The following ME2 variants were observed in gnomAD, a reference collection of about 807,000 sequenced individuals.
ME2 encodes the protein NAD-dependent malic enzyme, mitochondrial.
ME2 carries 60 observed loss-of-function variants against 73.7 expected under a neutral mutation model. The observed-to-expected ratio is 0.81, with a 90% CI of 0.66 to 1.01. The LOEUF (loss-of-function observed/expected upper bound fraction) is 1.01. Among genes scored for constraint, ME2 ranks in the 50% least tolerant of loss-of-function variants. The pLI, the probability that ME2 is intolerant of heterozygous loss-of-function variation, is 0.00. For missense variants in ME2, 594 were observed against 705.5 expected, an observed-to-expected ratio of 0.84 and a Z score of 1.79; for synonymous variants, 199 against 236.9, an observed-to-expected ratio of 0.84 and a Z score of 1.47.
Position 50,882,810 on chromosome 18 carries a change from A to G in ME2, c.-13+3502A>G, listed in dbSNP as rs554241826. Among the ~76,000 whole-genome samples, 9 of 152,228 alleles carry G rather than the reference A, an allele frequency of 5.9e-5. No homozygotes were observed. The South Asian group carries it at 1.9e-3, about 32-fold the overall frequency. On this transcript the variant is annotated intron_variant, in intron 1 of 15. Transcript: ENST00000321341. Reference sequence around the variant, plus strand: ...CTAAAAATACAAAAATTTGCTGGGCATGGTAGCACACACCTATAATCCCAG... The same window carrying G: ...CTAAAAATACAAAAATTTGCTGGGCGTGGTAGCACACACCTATAATCCCAG...
At chr18:50,890,527 A>G (rs1426920435) in intron 1 of ME2, among the ~76,000 whole-genome samples, 1 of 152,174 alleles carries the variant, frequency 6.6e-6, no homozygotes, top group African/African-American at 2.4e-5. Flanking sequence ...ACTACTTACA[A>G]AATTATTTCA....
At chr18:50,921,608 T>C (rs1406534358) in intron 10 of ME2, among the ~76,000 whole-genome samples, 1 of 152,252 alleles carries the variant, frequency 6.6e-6, no homozygotes, top group Middle Eastern at 3.4e-3. Context: ...ATGAAGTCTC[T>C]CTCTGTCACC....
intron 1 of ME2, among the ~76,000 whole-genome samples, chr18:50,892,392 A>C (rs1916626142): frequency 1.3e-5 from 2 of 152,180 alleles, no homozygotes; most frequent in African/African-American, 4.8e-5. Flanking sequence ...TAAAAATGTA[A>C]GCTCTGTAAA....
chr18:50,951,441 A>G lies in ME2; in HGVS notation c.*4257A>G, dbSNP rs1017593140. The stretch of plus-strand genomic sequence containing the variant: ...TCCTCAAGCCCAGTCAGTATCCTTC[A>G]AGGATAACTTTTTCATACCTTTTTT... On this transcript the variant is annotated 3_prime_UTR_variant, in exon 16 of 16. Coordinates refer to ENST00000321341, the MANE Select transcript of ME2 (RefSeq NM_002396.5). 3 of 152,122 alleles carry G rather than the reference A, an allele frequency of 2.0e-5. No homozygotes were observed. Among genetic ancestry groups the G allele is most frequent in the African/African-American group, 4.8e-5 (2 of 41,412 alleles). 9.4% of individuals were successfully genotyped at this position (152,122 alleles called of 1,614,324 possible).
intron 10 of ME2, among the ~76,000 whole-genome samples, chr18:50,921,845 C>T (rs1301382037): frequency 1.3e-5 from 2 of 152,200 alleles, no homozygotes; most frequent in Admixed American, 6.5e-5. Context: ...TAATAAAGAG[C>T]TTATCTCCCA....
At chr18:50,937,576 G>C (rs771495884) in intron 13 of ME2, among the ~76,000 whole-genome samples, 10 of 151,968 alleles carry the variant, frequency 6.6e-5, no homozygotes, top group African/African-American at 2.4e-5. Flanking sequence ...AACAGAAAAA[G>C]ACATCTTGGG....
intron 1 of ME2, among the ~76,000 whole-genome samples, chr18:50,883,229 T>C (rs1460763876): frequency 6.6e-6 from 1 of 152,212 alleles, no homozygotes; most frequent in Non-Finnish European, 1.5e-5. Context: ...CTGAGTCCAG[T>C]CCAGATTCAC....
intron 11 of ME2, 61 bp from the exon 12 acceptor site, chr18:50,925,695 T>G (rs904837201): frequency 1.5e-5 from 21 of 1,383,296 alleles, no homozygotes; most frequent in Non-Finnish European, 2.0e-5. Context: ...GAAATGCTAT[T>G]GATAAGCATT....
intron 2 of ME2, among the ~76,000 whole-genome samples, chr18:50,896,364 T>G (rs1192507393): frequency 6.6e-6 from 1 of 152,194 alleles, no homozygotes; most frequent in Admixed American, 6.5e-5. Flanking sequence ...CCACTTATCT[T>G]TTTGGACACA....
chr18:50,895,323 A>C (rs1916711395), intron 1 of ME2, among the ~76,000 whole-genome samples: 1 of 152,198 alleles, frequency 6.6e-6, no homozygotes, highest in Non-Finnish European at 1.5e-5. Context: ...TAAGACAAAA[A>C]ATTCTAGTAC....
In ME2 at chr18:50,906,906, T is replaced by A. The variant is rs1312515211; in HGVS notation, c.109-1157T>A. On this transcript the variant is annotated intron_variant, in intron 2 of 15. Coordinates refer to ENST00000321341, the MANE Select transcript of ME2 (RefSeq NM_002396.5). ...CTTTCCTGGATGTGTCCACAGCTCA[T>A]GTATGTGACCTTCTAGAGTCCCGGT... 3.3e-5 allele frequency among the ~76,000 whole-genome samples: 5 copies of A among 152,218 alleles called. 1 individual carries two copies. Among genetic ancestry groups the A allele is most frequent in the Admixed American group, 2.0e-4 (3 of 15,278 alleles).
chr18:50,953,337 A>C lies in ME2; in HGVS notation c.*6153A>C, dbSNP rs1304701931. The C allele has an allele frequency of 6.6e-6, 1 of 152,070 alleles. No individual in the cohort carries two copies. Among genetic ancestry groups the C allele is most frequent in the Non-Finnish European group, 1.5e-5 (1 of 68,008 alleles). 9.4% of individuals were successfully genotyped at this position (152,070 alleles called of 1,614,324 possible). ...ATGGTCTCGATCTCCTGACCTCATG[A>C]TCCACCCGCCTCGGCCTCCCAAAGT... On this transcript the variant is annotated 3_prime_UTR_variant, in exon 16 of 16. Coordinates refer to ENST00000321341, the MANE Select transcript of ME2 (RefSeq NM_002396.5).
chr18:50,939,638 A>G lies in ME2; in HGVS notation c.1486A>G (p.Lys496Glu), dbSNP rs1917899261. Residue 496 changes from lysine to glutamate, a missense_variant and splice_region_variant, in exon 14 of 16, where the codon AAG becomes GAG. By Grantham distance (56) the Lys-to-Glu change is moderately conservative (BLOSUM62 1). Coordinates refer to ENST00000321341, the MANE Select transcript of ME2 (RefSeq NM_002396.5). ...ISDSVFLEAAKALTSQLTDEE... is the reference protein window; with the variant it reads ...ISDSVFLEAAEALTSQLTDEE... The stretch of plus-strand genomic sequence containing the variant: ...TGACAGTGTTTTCCTAGAAGCTGCA[A>G]AGGTAAATGTTTTAAATGTTGTTTA... 6.2e-7 allele frequency: 1 copy of G among 1,602,402 alleles called. No homozygotes were observed. Among genetic ancestry groups the G allele is most frequent in the Non-Finnish European group, 8.5e-7 (1 of 1,169,632 alleles).
intron 1 of ME2, among the ~76,000 whole-genome samples, chr18:50,892,855 G>A (rs1916637762): frequency 2.0e-5 from 3 of 152,174 alleles, no homozygotes; most frequent in African/African-American, 4.8e-5. Flanking sequence ...GGCAGGTGCA[G>A]TGGCTCACGC....
chr18:50,940,037 C>A (rs538872402), intron 14 of ME2: 10 of 467,618 alleles, frequency 2.1e-5, no homozygotes, highest in Middle Eastern at 5.6e-4. Flanking sequence ...TCAAAGTAGC[C>A]ATTGCAATTA....
At chr18:50,935,980 G>GT (rs971313058) in intron 13 of ME2, among the ~76,000 whole-genome samples, 21 of 148,366 alleles carry the variant, frequency 1.4e-4, no homozygotes, top group Admixed American at 2.7e-4. Context: ...TCATGGCTGA[G>GT]TTTTTTTTTT....
intron 1 of ME2, among the ~76,000 whole-genome samples, chr18:50,887,340 C>T (rs1916497220): frequency 6.6e-6 from 1 of 152,124 alleles, no homozygotes; most frequent in Non-Finnish European, 1.5e-5. Context: ...TAGCAGTGAG[C>T]TTGATTGAAG....
At position 50,953,092 on chromosome 18, in the gene ME2, C is replaced by CTTTTTTTTT. The variant is rs558021689; in HGVS notation, c.*5918_*5926dup. ...CTTCAGATGAGAATTCTCACTTATT[C>CTTTTTTTTT]TTTTTTTTTTTTTTTTTTCTTTTCT... On this transcript the variant is annotated 3_prime_UTR_variant, in exon 16 of 16. Coordinates refer to ENST00000321341, the MANE Select transcript of ME2 (RefSeq NM_002396.5). The CTTTTTTTTT allele has an allele frequency of 1.5e-5, 2 of 133,562 alleles. No individual in the cohort carries two copies. The highest frequency in any genetic ancestry group is 1.6e-5 in the Non-Finnish European group (1 of 62,634). 8.3% of individuals were successfully genotyped at this position (133,562 alleles called of 1,614,324 possible).
chr18:50,928,979 ACT>A (rs1343611004), intron 12 of ME2, among the ~76,000 whole-genome samples: 1 of 151,238 alleles, frequency 6.6e-6, no homozygotes, highest in Non-Finnish European at 1.5e-5. Context: ...CCAACACCAA[ACT>A]CTCACTATCT....
Sources: allele counts gnomAD v4.1 joint callset (sites outside exome capture counted in the v4.1 genomes callset), GRCh38; gene constraint gnomAD v4.1.1; transcripts MANE v1.5; gene names NCBI Gene and HGNC (gene_info 2026-07-23, HGNC 2026-07-21).